The following SMYD3 variants were observed in gnomAD, a reference collection of about 807,000 sequenced individuals.
SMYD3 encodes the protein SET and MYND domain containing 3, also known as histone-lysine N-methyltransferase SMYD3.
Under a neutral mutation model 57.7 loss-of-function variants are expected in SMYD3, and 36 were observed. The ratio of observed to expected loss-of-function variants is 0.62; its 90% CI spans 0.48 to 0.82. The LOEUF is 0.82. Ranked by LOEUF, SMYD3 falls within the 40% of genes least tolerant of loss-of-function variation. The pLI is 0.00. For missense variants in SMYD3, 515 were observed against 538.8 expected (o/e 0.96, Z 0.44); for synonymous variants, 211 against 195.0 (o/e 1.08, Z -0.68).
intron 10 of SMYD3, among the ~76,000 whole-genome samples, chr1:245,824,667 T>A (rs2049370638): frequency 6.6e-6 from 1 of 151,954 alleles, no homozygotes; most frequent in Non-Finnish European, 1.5e-5. Flanking sequence ...ACCAGCCTGA[T>A]CAACATGGAG....
intron 2 of SMYD3, among the ~76,000 whole-genome samples, chr1:246,346,832 G>T (rs1450655156): frequency 6.6e-6 from 1 of 152,152 alleles, no homozygotes; most frequent in Admixed American, 6.5e-5. Flanking sequence ...GAGACAGAGC[G>T]AGCATTAGTA....
intron 5 of SMYD3, among the ~76,000 whole-genome samples, chr1:245,994,832 A>G (rs1349297523): frequency 6.6e-6 from 1 of 152,166 alleles, no homozygotes; most frequent in Non-Finnish European, 1.5e-5. Flanking sequence ...GACACAGGTA[A>G]AATCTAACCT....
At chr1:246,307,670 C>T (rs1259971247) in intron 5 of SMYD3, among the ~76,000 whole-genome samples, 9 of 152,210 alleles carry the variant, frequency 5.9e-5, no homozygotes, top group Non-Finnish European at 1.3e-4. Context: ...CCGCCCGCCT[C>T]GGCCTCCCAA....
chr1:245,765,431 T>C (rs927853904), intron 10 of SMYD3, among the ~76,000 whole-genome samples: 3 of 151,902 alleles, frequency 2.0e-5, no homozygotes. Flanking sequence ...ATCATCCCAT[T>C]AGACACAAGA....
intron 1 of SMYD3, among the ~76,000 whole-genome samples, chr1:246,428,159 G>A (rs1216028407): frequency 1.3e-5 from 2 of 152,082 alleles, no homozygotes; most frequent in Non-Finnish European, 2.9e-5. Context: ...AAACACCCTC[G>A]GATTGATTTG....
chr1:245,907,346 C>T (rs1000824397), intron 8 of SMYD3, among the ~76,000 whole-genome samples: 1 of 152,122 alleles, frequency 6.6e-6, no homozygotes, highest in African/African-American at 2.4e-5. Flanking sequence ...TATGCCCCTA[C>T]TATGTACCCA....
intron 5 of SMYD3, among the ~76,000 whole-genome samples, chr1:246,026,588 T>C (rs1426391533): frequency 6.6e-6 from 1 of 152,248 alleles, no homozygotes; most frequent in Non-Finnish European, 1.5e-5. Flanking sequence ...CTGTGATGCT[T>C]ATCAGTGTTC....
chr1:246,124,176 C>T (rs1357615527), intron 5 of SMYD3, among the ~76,000 whole-genome samples: 1 of 152,184 alleles, frequency 6.6e-6, no homozygotes, highest in Non-Finnish European at 1.5e-5. Context: ...GTGATAAACA[C>T]TCTCTTTAAA....
chr1:245,824,764 G>A (rs1453604503), intron 10 of SMYD3, among the ~76,000 whole-genome samples: 2 of 151,540 alleles, frequency 1.3e-5, no homozygotes, highest in African/African-American at 2.4e-5. Context: ...GCTGAGGCGG[G>A]AGAATTGCTT....
intron 11 of SMYD3, among the ~76,000 whole-genome samples, chr1:245,761,386 G>A (rs2045836546): frequency 1.3e-5 from 2 of 152,170 alleles, no homozygotes; most frequent in African/African-American, 4.8e-5. Context: ...GGCAGTAAGA[G>A]GGTCATCTGA....
At chr1:245,919,513 C>T (rs1274260841) in intron 7 of SMYD3, among the ~76,000 whole-genome samples, 2 of 152,182 alleles carry the variant, frequency 1.3e-5, no homozygotes, top group Non-Finnish European at 2.9e-5. Flanking sequence ...GAAAGCCACC[C>T]ATTTTTGTGC....
chr1:245,771,708 A>G (rs1188601419), intron 10 of SMYD3, among the ~76,000 whole-genome samples: 1 of 152,240 alleles, frequency 6.6e-6, no homozygotes, highest in African/African-American at 2.4e-5. Context: ...GAAGAGGCAC[A>G]TAGAGTCAGT....
intron 1 of SMYD3, among the ~76,000 whole-genome samples, chr1:246,362,428 TC>T (rs2066002922): frequency 2.3e-5 from 3 of 129,438 alleles, no homozygotes; most frequent in Non-Finnish European, 4.9e-5. Context: ...CCTCTCCCTC[TC>T]CCTTTCCCAC....
intron 5 of SMYD3, among the ~76,000 whole-genome samples, chr1:246,127,904 A>AAGAAAAGAAG (rs1309197043): frequency 5.9e-4 from 89 of 151,854 alleles, no homozygotes; most frequent in Middle Eastern, 3.4e-3. Flanking sequence ...TCAAAAAGAA[A>AAGAAAAGAAG]AGAAAAGAAA....
At chr1:246,108,579 T>A (rs1414176054) in intron 5 of SMYD3, 2 of 152,144 alleles carry the variant, frequency 1.3e-5, no homozygotes, top group Non-Finnish European at 2.9e-5. Flanking sequence ...CACCGTCTAT[T>A]ATAAATGCTT....
intron 10 of SMYD3, among the ~76,000 whole-genome samples, chr1:245,804,740 A>C (rs997453905): frequency 6.6e-6 from 1 of 152,178 alleles, no homozygotes; most frequent in Non-Finnish European, 1.5e-5. Flanking sequence ...ACGTGAGGAC[A>C]CAGAGTTCAT....
intron 1 of SMYD3, among the ~76,000 whole-genome samples, chr1:246,440,159 T>A (rs1235970380): frequency 6.6e-6 from 1 of 151,950 alleles, no homozygotes; most frequent in Non-Finnish European, 1.5e-5. Flanking sequence ...AATAATCCCA[T>A]CACCTAGAAA....
intron 1 of SMYD3, among the ~76,000 whole-genome samples, chr1:246,392,562 G>T (rs1471880662): frequency 6.6e-6 from 1 of 151,746 alleles, no homozygotes; most frequent in Admixed American, 6.6e-5. Flanking sequence ...ATCCTCCCAG[G>T]TTCACCTCCC....
At chr1:245,813,786 A>G (rs1346532023) in intron 10 of SMYD3, among the ~76,000 whole-genome samples, 1 of 147,930 alleles carries the variant, frequency 6.8e-6, no homozygotes, top group African/African-American at 2.5e-5. Flanking sequence ...GAGAAAGGCA[A>G]GATGTTGAGT....
Sources: gnomAD v4.1 joint callset for allele counts (sites outside exome capture counted in the v4.1 genomes callset) on GRCh38, gnomAD v4.1.1 for gene constraint, MANE v1.5 for transcripts, NCBI Gene and HGNC (gene_info 2026-07-23, HGNC 2026-07-21) for gene names.